The following TMC5 variants were observed in gnomAD, a reference collection of about 807,000 sequenced individuals.
TMC5 encodes transmembrane channel like 5, also known as transmembrane channel-like protein 5.
TMC5 carries 86 observed loss-of-function variants against 110.5 expected under a neutral mutation model. The ratio of observed to expected loss-of-function variants is 0.78; its 90% CI spans 0.65 to 0.93. The LOEUF is 0.93. TMC5 is among the 40% of genes least tolerant of loss of function. TMC5 has a pLI of 0.00. For missense variants in TMC5, 1,144 were observed against 1,222.8 expected, an observed-to-expected ratio of 0.94 and a Z score of 0.96; for synonymous variants, 455 against 439.5, an observed-to-expected ratio of 1.04 and a Z score of -0.44.
intron 17 of TMC5, chr16:19,487,736 TAAA>T (rs1485534038): frequency 6.7e-6 from 1 of 148,924 alleles, no homozygotes; most frequent in African/African-American, 2.5e-5. Context: ...AATAAATAAA[TAAA>T]TAAATAAATA....
intron 1 of TMC5, among the ~76,000 whole-genome samples, chr16:19,427,129 T>A (rs2143387718): frequency 6.6e-6 from 1 of 152,250 alleles, no homozygotes; most frequent in Non-Finnish European, 1.5e-5. Context: ...CTTGATGTTG[T>A]CAGATGCACC....
chr16:19,479,433 T>C lies in TMC5; in HGVS notation c.2172T>C (p.Cys724=). 2 of 1,613,472 alleles carry C rather than the reference T, an allele frequency of 1.2e-6. No individual in the cohort carries two copies. Among genetic ancestry groups the C allele is most frequent in the Non-Finnish European group, 1.7e-6 (2 of 1,179,364 alleles). The change falls in exon 14 of 22, where the codon TGT becomes TGC. Residue 724 remains cysteine, a splice_region_variant and synonymous_variant. Coordinates refer to ENST00000542583, the MANE Select transcript of TMC5 (RefSeq NM_001261841.2). Reference sequence around the variant, plus strand: ...CCTGACTCTTGTTTGCCTTCCAGTGTTGGGAAACCCTCATTGGCCAGGACA... The same window carrying C: ...CCTGACTCTTGTTTGCCTTCCAGTGCTGGGAAACCCTCATTGGCCAGGACA... ...LNTVALSGEE[C]WETLIGQDIY...
At chr16:19,496,921 T>G (rs1269309834) in intron 20 of TMC5, among the ~76,000 whole-genome samples, 200 bp from the exon 21 acceptor site, 1 of 140,690 alleles carries the variant, frequency 7.1e-6, no homozygotes, top group Non-Finnish European at 1.5e-5. Flanking sequence ...AAAGAGTATC[T>G]GTGGAATGAA....
Position 19,469,739 on chromosome 16 carries a change from A to G in TMC5, c.1696A>G (p.Thr566Ala), listed in dbSNP as rs1968280846. The G allele has an allele frequency of 8.7e-6, 14 of 1,614,200 alleles. No homozygotes were observed. The highest frequency in any genetic ancestry group is 1.1e-5 in the Non-Finnish European group (13 of 1,180,018). Residue 566 changes from threonine to alanine, a missense_variant, in exon 10 of 22, where the codon ACC becomes GCC. Transcript: ENST00000542583. ...INPHIYSGGITKLIFCWDFTV... is the reference protein window; with the variant it reads ...INPHIYSGGIAKLIFCWDFTV... ...TCCCCACATTTACTCCGGAGGGATCACCAAGCTGATCTTTTGCTGGGACTT... is the reference window on the plus strand; with the variant it reads ...TCCCCACATTTACTCCGGAGGGATCGCCAAGCTGATCTTTTGCTGGGACTT...
chr16:19,468,476 AC>A lies in TMC5; in HGVS notation c.1638-1197del, dbSNP rs11444172. 2.6e-4 allele frequency among the ~76,000 whole-genome samples: 39 copies of A among 150,310 alleles called. 1 individual carries two copies. The highest frequency in any genetic ancestry group is 1.9e-3 in the Admixed American group (29 of 14,978). On this transcript the variant is annotated intron_variant, in intron 9 of 21. Coordinates refer to ENST00000542583, the MANE Select transcript of TMC5 (RefSeq NM_001261841.2). ...TTGGAAGGCTGAATAATCTCCCCCG[AC>A]CCCCCCCAGAGAAGTCTACATCCTA...
intron 1 of TMC5, among the ~76,000 whole-genome samples, chr16:19,425,748 G>T (rs546656006): frequency 6.6e-6 from 1 of 152,128 alleles, no homozygotes; most frequent in Non-Finnish European, 1.5e-5. Context: ...GTGCAGTGGC[G>T]TGATCTCAGC....
intron 4 of TMC5, among the ~76,000 whole-genome samples, chr16:19,448,410 A>C: frequency 6.6e-6 from 1 of 151,798 alleles, no homozygotes; most frequent in East Asian, 1.9e-4. Context: ...AGCCGCCCAG[A>C]AGTTCGAGAC....
At chr16:19,480,555 A>C (rs1449522194) in intron 14 of TMC5, among the ~76,000 whole-genome samples, 1 of 152,140 alleles carries the variant, frequency 6.6e-6, no homozygotes, top group Non-Finnish European at 1.5e-5. Context: ...CTGTAATCCC[A>C]ACACTTTGGG....
At chr16:19,433,037 A>G (rs889510327) in intron 2 of TMC5, among the ~76,000 whole-genome samples, 4 of 152,212 alleles carry the variant, frequency 2.6e-5, no homozygotes, top group African/African-American at 9.7e-5. Flanking sequence ...ATACGCATAC[A>G]ATATGAAGTT....
At chr16:19,449,698 C>A in intron 5 of TMC5, 67 bp downstream of exon 5, 2 of 1,407,922 alleles carry the variant, frequency 1.4e-6, no homozygotes, top group South Asian at 1.2e-5. Flanking sequence ...CCCCATGTGT[C>A]GGGGGAGAGA....
At position 19,440,899 on chromosome 16, in the gene TMC5, T is replaced by C. The variant is rs182488973; in HGVS notation, c.788+73T>C. The C allele has an allele frequency of 2.7e-6, 4 of 1,490,414 alleles. No homozygotes were observed. The Admixed American group carries it at 5.9e-5, about 22-fold the overall frequency. 92.3% of individuals were successfully genotyped at this position (1,490,414 alleles called of 1,614,324 possible). On this transcript the variant is annotated intron_variant, in intron 3 of 21. Coordinates refer to ENST00000542583, the MANE Select transcript of TMC5 (RefSeq NM_001261841.2). ...GAATCATTAAGTCAATGGAATTTGG[T>C]TGGTGTGGTTTAGATTAGGGATATA...
intron 1 of TMC5, among the ~76,000 whole-genome samples, chr16:19,423,147 A>G (rs1215893340): frequency 1.3e-5 from 2 of 151,990 alleles, no homozygotes; most frequent in East Asian, 3.9e-4. Flanking sequence ...ATTTTGTTTC[A>G]TTGTTTATAA....
chr16:19,425,464 T>C, intron 1 of TMC5, among the ~76,000 whole-genome samples: 1 of 152,140 alleles, frequency 6.6e-6, no homozygotes, highest in Non-Finnish European at 1.5e-5. Context: ...TTGTCTTTGT[T>C]TTTTTGTTGT....
chr16:19,430,877 T>TTTTTTTTG (rs1967181306), intron 2 of TMC5, among the ~76,000 whole-genome samples: 1 of 151,026 alleles, frequency 6.6e-6, no homozygotes, highest in Non-Finnish European at 1.5e-5. Context: ...TTTTTTTTTT[T>TTTTTTTTG]GAGACTGAAT....
At chr16:19,495,892 G>GGGA (rs1435618654) in intron 20 of TMC5, among the ~76,000 whole-genome samples, 1 of 151,982 alleles carries the variant, frequency 6.6e-6, no homozygotes, top group East Asian at 1.9e-4. Flanking sequence ...CCAGCACTTT[G>GGGA]GGAGGCCGAG....
rs754366926 is a variant in TMC5 at position 19,490,561 on chromosome 16, A to T, written c.2740A>T (p.Ile914Phe). The T allele has an allele frequency of 1.2e-6, 2 of 1,613,894 alleles. No homozygotes were observed. Among genetic ancestry groups the T allele is most frequent in the Non-Finnish European group, 8.5e-7 (1 of 1,179,974 alleles). The part of the protein sequence containing the change: ...SVHFFFILTL[I>F]VLIITYLYWQ... The stretch of plus-strand genomic sequence containing the variant: ...GCACTTCTTTTTCATCCTCACCCTC[A>T]TTGTGCTGTGAGTGTGGTACCCGGG... The change falls in exon 18 of 22, where the codon ATT becomes TTT. Residue 914 changes from isoleucine (I) to phenylalanine (F), a missense_variant. Physicochemically the swap from Ile to Phe is conservative, Grantham distance 21 (BLOSUM62 0). Transcript: ENST00000542583.
At chr16:19,458,998 A>T (rs72785315) in intron 5 of TMC5, among the ~76,000 whole-genome samples, 6,817 of 151,414 alleles carry the variant, frequency 0.045, 301 homozygotes, top group African/African-American at 0.11. Flanking sequence ...ACATGCAGAC[A>T]CAACAATAAT....
At chr16:19,425,837 C>T (rs577937500) in intron 1 of TMC5, among the ~76,000 whole-genome samples, 1 of 152,260 alleles carries the variant, frequency 6.6e-6, no homozygotes, top group East Asian at 1.9e-4. Context: ...CAGGCATGCA[C>T]CACCACGCTC....
chr16:19,440,743 A>C lies in TMC5; in HGVS notation c.705A>C (p.Pro235=). 1 of 1,614,170 alleles carries C rather than the reference A, an allele frequency of 6.2e-7. No homozygotes were observed. Among genetic ancestry groups the C allele is most frequent in the Non-Finnish European group, 8.5e-7 (1 of 1,180,032 alleles). Residue 235 remains proline (P), a synonymous_variant, in exon 3 of 22, where the codon CCA becomes CCC. Transcript: ENST00000542583. ...GTGCTGAGGACAATCAGAACTTGCCAAGCACTTGGAGAGAACCTGATTATT... is the reference window on the plus strand; with the variant it reads ...GTGCTGAGGACAATCAGAACTTGCCCAGCACTTGGAGAGAACCTGATTATT... ...YPSAEDNQNL[P]STWREPDYSD...
Sources: gnomAD v4.1 joint callset for allele counts (sites outside exome capture counted in the v4.1 genomes callset) on GRCh38, gnomAD v4.1.1 for gene constraint, MANE v1.5 for transcripts, NCBI Gene and HGNC (gene_info 2026-07-23, HGNC 2026-07-21) for gene names.